ST8SIA6: variants seen among roughly 807,000 people sequenced by gnomAD.
ST8SIA6 encodes the protein alpha-2,8-sialyltransferase 8F.
A neutral mutation model predicts 33.6 loss-of-function variants in ST8SIA6; 39 were observed. That is an observed-to-expected ratio of 1.16 (90% confidence interval 0.90 to 1.52). The LOEUF (loss-of-function observed/expected upper bound fraction) is 1.52. Ranked by LOEUF, ST8SIA6 falls within the 40% of genes most tolerant of loss-of-function variation. ST8SIA6 has a pLI of 0.00. For synonymous variants in ST8SIA6, 172 were observed against 167.2 expected, an observed-to-expected ratio of 1.03 and a Z score of -0.22; for missense variants, 441 against 443.8, an observed-to-expected ratio of 0.99 and a Z score of 0.06.
chr10:17,376,375 C>CGAGATTT (rs1849917333), intron 3 of ST8SIA6, among the ~76,000 whole-genome samples: 1 of 151,740 alleles, frequency 6.6e-6, no homozygotes, highest in Non-Finnish European at 1.5e-5. Context: ...CTCAGACTTC[C>CGAGATTT]GAGAGCTTTT....
Position 17,323,146 on chromosome 10 carries a change from G to C in ST8SIA6, c.647C>G (p.Pro216Arg), listed in dbSNP as rs182629299. The change falls in exon 7 of 8, where the codon CCC becomes CGC. Residue 216 changes from proline to arginine, a missense_variant. Physicochemically the swap from Pro to Arg is moderately radical, Grantham distance 103. Coordinates refer to ENST00000377602, the MANE Select transcript of ST8SIA6 (RefSeq NM_001004470.3). The stretch of plus-strand genomic sequence containing the variant: ...TTTACTAACATCTCCTGTGGTTGGG[G>C]GTAGGTTACACCTGAAATTTGAAAA... ...KSDFVFRCNL[P>R]PTTGDVSKDV... is the part of the protein sequence containing the mutation. The C allele has an allele frequency of 6.2e-7, 1 of 1,612,594 alleles. No homozygotes were observed. Among genetic ancestry groups the C allele is most frequent in the South Asian group, 1.1e-5 (1 of 90,914 alleles).
chr10:17,363,883 C>G (rs1849475491), intron 3 of ST8SIA6, among the ~76,000 whole-genome samples: 1 of 152,126 alleles, frequency 6.6e-6, no homozygotes, highest in Non-Finnish European at 1.5e-5. Flanking sequence ...ATTCATTATC[C>G]CCATAGTTTG....
chr10:17,443,933 G>A (rs1852601815), intron 2 of ST8SIA6, among the ~76,000 whole-genome samples: 1 of 152,210 alleles, frequency 6.6e-6, no homozygotes, highest in African/African-American at 2.4e-5. Context: ...AACAGCTGAA[G>A]ACTACTGACT....
chr10:17,321,080 A>G lies in ST8SIA6; in HGVS notation c.995T>C (p.Val332Ala), dbSNP rs915466253. 2 of 1,613,984 alleles carry G rather than the reference A, an allele frequency of 1.2e-6. No individual in the cohort carries two copies. Among genetic ancestry groups the G allele is most frequent in the African/African-American group, 2.7e-5 (2 of 74,900 alleles). ...CAGCTTCACATTTTTACACAGTTCC[A>G]CTGCAACACTTGTGATCATCAAGCC... The part of the protein sequence containing the change: ...STGLMITSVA[V>A]ELCKNVKLYG... The change falls in exon 8 of 8, where the codon GTG (valine) becomes GCG (alanine). Residue 332 changes from valine (V) to alanine (A), a missense_variant. Coordinates refer to ENST00000377602, the MANE Select transcript of ST8SIA6 (RefSeq NM_001004470.3).
chr10:17,350,075 C>G (rs1848980694), intron 4 of ST8SIA6, among the ~76,000 whole-genome samples: 1 of 152,140 alleles, frequency 6.6e-6, no homozygotes, highest in African/African-American at 2.4e-5. Context: ...GAAGGGATAA[C>G]TGGTTCTAAA....
At chr10:17,427,219 T>C (rs1438864079) in intron 2 of ST8SIA6, among the ~76,000 whole-genome samples, 3 of 152,122 alleles carry the variant, frequency 2.0e-5, no homozygotes, top group African/African-American at 4.8e-5. Context: ...ACCTCCAGCA[T>C]TGAGGAATGA....
intron 2 of ST8SIA6, among the ~76,000 whole-genome samples, chr10:17,435,717 G>A (rs1852233288): frequency 1.4e-5 from 2 of 143,556 alleles, no homozygotes; most frequent in Non-Finnish European, 3.1e-5. Flanking sequence ...GGGGTTGGGG[G>A]GGTGGGGGGC....
intron 2 of ST8SIA6, among the ~76,000 whole-genome samples, chr10:17,451,495 G>A (rs1002640880): frequency 6.6e-6 from 1 of 152,154 alleles, no homozygotes; most frequent in Admixed American, 6.5e-5. Flanking sequence ...GGTGACGGTT[G>A]CACTAAAATG....
At chr10:17,429,241 C>G (rs1291385827) in intron 2 of ST8SIA6, among the ~76,000 whole-genome samples, 1 of 152,008 alleles carries the variant, frequency 6.6e-6, no homozygotes, top group Non-Finnish European at 1.5e-5. Context: ...TATAATAGAT[C>G]ATCACCACGA....
chr10:17,451,045 C>T (rs1262269587), intron 2 of ST8SIA6, among the ~76,000 whole-genome samples: 2 of 152,190 alleles, frequency 1.3e-5, no homozygotes, highest in African/African-American at 4.8e-5. Flanking sequence ...CAATTTACTT[C>T]ATCTTGTTGC....
intron 6 of ST8SIA6, 72 bp from the exon 7 acceptor site, chr10:17,323,229 GCACACA>G (rs1554783533): frequency 3.9e-5 from 31 of 794,274 alleles, no homozygotes; most frequent in African/African-American, 1.3e-4. Context: ...ACATATGCGC[GCACACA>G]CACACACACA....
chr10:17,316,171 T>C lies in ST8SIA6; in HGVS notation c.*4707A>G, dbSNP rs1847769829. 6.6e-6 allele frequency among the ~76,000 whole-genome samples: 1 copy of C among 152,034 alleles called. No individual in the cohort carries two copies. On this transcript the variant is annotated 3_prime_UTR_variant, in exon 8 of 8. Coordinates refer to ENST00000377602, the MANE Select transcript of ST8SIA6 (RefSeq NM_001004470.3). Reference sequence around the variant, plus strand: ...ATCCCTAAACCCACTCCGATTACCCTCTTCTTAATGGGTACCCTTCTTGTA... The same window carrying C: ...ATCCCTAAACCCACTCCGATTACCCCCTTCTTAATGGGTACCCTTCTTGTA...
chr10:17,321,563 C>G (rs1244288625), intron 7 of ST8SIA6, among the ~76,000 whole-genome samples: 1 of 152,136 alleles, frequency 6.6e-6, no homozygotes, highest in Non-Finnish European at 1.5e-5. Flanking sequence ...GGAATCCTTT[C>G]AATTTCTACT....
chr10:17,401,936 T>C (rs1471201218), intron 2 of ST8SIA6, among the ~76,000 whole-genome samples: 2 of 151,808 alleles, frequency 1.3e-5, no homozygotes, highest in Non-Finnish European at 2.9e-5. Flanking sequence ...ACAAATAGGA[T>C]CTAATTAAAC....
At position 17,341,900 on chromosome 10, in the gene ST8SIA6, C is replaced by CAAAAA. The variant is rs71393004; in HGVS notation, c.378-10353_378-10349dup. ...TGGGCAACAGAGCAAGGCTCCATCT[C>CAAAAA]AAAAAAAAAAAAAAAAAAAAACAAA... On this transcript the variant is annotated intron_variant, in intron 4 of 7. Coordinates refer to ENST00000377602, the MANE Select transcript of ST8SIA6 (RefSeq NM_001004470.3). 3.5e-3 allele frequency among the ~76,000 whole-genome samples: 257 copies of CAAAAA among 72,872 alleles called. 1 individual carries two copies. Among genetic ancestry groups the CAAAAA allele is most frequent in the Middle Eastern group, 0.01 (1 of 100 alleles). The allele number at this position is 72,872 out of a possible 152,430, so 47.8% of individuals were successfully genotyped here.
At chr10:17,350,522 CAACAA>C (rs967323714) in intron 4 of ST8SIA6, among the ~76,000 whole-genome samples, 14 of 151,924 alleles carry the variant, frequency 9.2e-5, no homozygotes, top group Non-Finnish European at 1.8e-4. Context: ...GACCCTATCT[CAACAA>C]AACAAAACAA....
At chr10:17,451,968 GA>G (rs1366714720) in intron 2 of ST8SIA6, among the ~76,000 whole-genome samples, 1 of 152,010 alleles carries the variant, frequency 6.6e-6, no homozygotes, top group Non-Finnish European at 1.5e-5. Context: ...AAAAGAAAGT[GA>G]AAAATTCATC....
At chr10:17,431,885 A>C (rs1195237493) in intron 2 of ST8SIA6, among the ~76,000 whole-genome samples, 2 of 151,106 alleles carry the variant, frequency 1.3e-5, no homozygotes, top group Admixed American at 1.3e-4. Flanking sequence ...GATAAGAACA[A>C]GTACTGTGAA....
intron 2 of ST8SIA6, 83 bp from the exon 3 acceptor site, chr10:17,390,703 G>A: frequency 9.2e-7 from 1 of 1,091,054 alleles, no homozygotes; most frequent in Non-Finnish European, 1.3e-6. Flanking sequence ...AGATTTAATT[G>A]ATAAAGTGTG....
Sources: allele counts gnomAD v4.1 joint callset (sites outside exome capture counted in the v4.1 genomes callset), GRCh38; gene constraint gnomAD v4.1.1; transcripts MANE v1.5; gene names NCBI Gene and HGNC (gene_info 2026-07-23, HGNC 2026-07-21).